KMT2C: variants seen among roughly 807,000 people sequenced by gnomAD.
KMT2C encodes histone-lysine N-methyltransferase 2C.
Under a neutral mutation model 507.9 loss-of-function variants are expected in KMT2C, and 88 were observed. The ratio of observed to expected loss-of-function variants is 0.17; its 90% confidence interval spans 0.15 to 0.21. KMT2C has a LOEUF of 0.21. Ranked by LOEUF, KMT2C falls within the 10% of genes least tolerant of loss-of-function variation. The probability of loss-of-function intolerance (pLI) is 1.00; values close to 1 mark genes in which losing one functional copy is unlikely to be tolerated. For synonymous variants in KMT2C, 2,049 were observed against 2,080.8 expected (o/e 0.98, Z 0.42); for missense variants, 4,954 against 5,957.8 (o/e 0.83, Z 5.55).
Position 152,153,000 on chromosome 7 carries a change from G to A in KMT2C, c.12277-46C>T, listed in dbSNP as rs181304474. ...TGTATTATTCACCCAGAAGGCAACA[G>A]TGAACCACTGAAGAAAAATACACAC... On this transcript the variant is annotated intron_variant, in intron 48 of 58. Coordinates refer to ENST00000262189, the MANE Select transcript of KMT2C (RefSeq NM_170606.3). 34 of 1,600,214 alleles carry A rather than the reference G, an allele frequency of 2.1e-5. No homozygotes were observed. The Admixed American group carries it at 5.5e-4, about 26-fold the overall frequency.
chr7:152,324,911 T>A (rs1380335287), intron 3 of KMT2C, among the ~76,000 whole-genome samples: 2 of 152,084 alleles, frequency 1.3e-5, no homozygotes, highest in African/African-American at 4.8e-5. Flanking sequence ...CATAATCAAG[T>A]AATGTTTATT....
Position 152,177,187 on chromosome 7 carries a change from T to C in KMT2C, c.8266A>G (p.Ile2756Val). Residue 2756 changes from isoleucine to valine, a missense_variant, in exon 38 of 59, where the codon ATC becomes GTC. Ile to Val is a conservative substitution (Grantham distance 29, BLOSUM62 3). Around this residue, in one of 29 missense-constraint regions of KMT2C, gnomAD observed 1,689 missense variants for 1,654.3 expected, o/e 1.02. Coordinates refer to ENST00000262189, the MANE Select transcript of KMT2C (RefSeq NM_170606.3). ...DDLLRSGEFD[I>V]IAYTDPELDM... ...AGTTCTGGATCTGTATATGCAATGA[T>C]ATCAAACTCTCCTGACCTTAAGAGG... 1 of 1,614,044 alleles carries C rather than the reference T, an allele frequency of 6.2e-7. No individual in the cohort carries two copies. The highest frequency in any genetic ancestry group is 8.5e-7 in the Non-Finnish European group (1 of 1,180,016).
rs1378835003 is a variant in KMT2C at position 152,412,417 on chromosome 7, AAT to A, written c.161+23207_161+23208del. Among the ~76,000 whole-genome samples, 6 of 150,632 alleles carry A rather than the reference AAT, an allele frequency of 4.0e-5. No individual in the cohort carries two copies. The East Asian group carries it at 9.8e-4, about 24-fold the overall frequency. On this transcript the variant is annotated intron_variant, in intron 1 of 58. Transcript: ENST00000262189. Reference sequence around the variant, plus strand: ...CTCCCTCTCAAAAAAAAATTTTTTTAATGTTGCAACCAATTTTTCTTCCTCAT... The same window carrying A: ...CTCCCTCTCAAAAAAAAATTTTTTTAGTTGCAACCAATTTTTCTTCCTCAT...
chr7:152,228,653 G>C (rs2095011449), intron 18 of KMT2C, among the ~76,000 whole-genome samples: 1 of 152,100 alleles, frequency 6.6e-6, no homozygotes, highest in Non-Finnish European at 1.5e-5. Flanking sequence ...ATTGTTGGAT[G>C]GGTTAAAAGA....
At position 152,427,788 on chromosome 7, in the gene KMT2C, G is replaced by A. The variant is rs117711380; in HGVS notation, c.161+7838C>T. On this transcript the variant is annotated intron_variant, in intron 1 of 58. Coordinates refer to ENST00000262189, the MANE Select transcript of KMT2C (RefSeq NM_170606.3). ...ACATCTTTAAATACTTATCCTAATC[G>A]ATTCCTCAACTCCAGTCCTACTTCC... 1.1e-4 allele frequency among the ~76,000 whole-genome samples: 16 copies of A among 152,026 alleles called. No individual in the cohort carries two copies. The South Asian group carries it at 1.9e-3, about 18-fold the overall frequency.
intron 9 of KMT2C, among the ~76,000 whole-genome samples, chr7:152,255,295 T>C (rs1391446417): frequency 1.3e-5 from 2 of 151,006 alleles, no homozygotes; most frequent in African/African-American, 4.9e-5. Flanking sequence ...GCCTTCTGAG[T>C]AACTGGGACT....
chr7:152,320,200 C>G (rs1345993285), intron 3 of KMT2C, among the ~76,000 whole-genome samples: 1 of 151,976 alleles, frequency 6.6e-6, no homozygotes, highest in Non-Finnish European at 1.5e-5. Context: ...GCAAATATTC[C>G]AAAATCCAAA....
intron 34 of KMT2C, among the ~76,000 whole-genome samples, chr7:152,184,124 T>TA (rs137962743): frequency 0.15 from 19,945 of 136,634 alleles, 1,432 homozygotes; most frequent in South Asian, 0.21. Flanking sequence ...CAATCAGTCT[T>TA]AAAAAAAAAA....
At chr7:152,211,645 A>G (rs1236284813) in intron 23 of KMT2C, among the ~76,000 whole-genome samples, 1 of 152,262 alleles carries the variant, frequency 6.6e-6, no homozygotes, top group African/African-American at 2.4e-5. Flanking sequence ...CAAATGGCAT[A>G]AAGTAGCACA....
At chr7:152,307,140 A>G (rs187823658) in intron 6 of KMT2C, among the ~76,000 whole-genome samples, 1 of 150,986 alleles carries the variant, frequency 6.6e-6, no homozygotes, top group African/African-American at 2.4e-5. Flanking sequence ...CCTGGACAAC[A>G]GGGTGAGACC....
chr7:152,162,072 T>C (rs1311691879), intron 43 of KMT2C, 45 bp downstream of exon 43: 13 of 1,496,134 alleles, frequency 8.7e-6, no homozygotes, highest in Non-Finnish European at 1.1e-5. Context: ...TAAGTATAAT[T>C]TAAAACAAAA....
rs376309362 is a variant in KMT2C, at chr7:152,358,681, GAA to G, written c.162-8_162-7del. On this transcript the variant is annotated splice_region_variant and splice_polypyrimidine_tract_variant and intron_variant, in intron 1 of 58. Coordinates refer to ENST00000262189, the MANE Select transcript of KMT2C (RefSeq NM_170606.3). ...TTTTCCCCCTACTTCGAGGTCTACA[GAA>G]AAAAAAAAAAATAATAAGTACATAG... is the stretch of plus-strand genomic sequence containing the variant. 2.6e-4 allele frequency: 321 copies of G among 1,245,930 alleles called. No individual in the cohort carries two copies. The highest frequency in any genetic ancestry group is 4.0e-4 in the South Asian group (28 of 69,664). 77.2% of individuals were successfully genotyped at this position (1,245,930 alleles called of 1,614,324 possible).
At chr7:152,360,531 A>G (rs1468680535) in intron 1 of KMT2C, among the ~76,000 whole-genome samples, 3 of 151,540 alleles carry the variant, frequency 2.0e-5, no homozygotes, top group East Asian at 2.0e-4. Context: ...ACATAATAAT[A>G]TATTAAAAAT....
chr7:152,178,041 A>AAAAAAAGC, intron 37 of KMT2C, 31 bp from the exon 38 acceptor site: 1 of 1,276,138 alleles, frequency 7.8e-7, no homozygotes. Context: ...AAAAAAAAAA[A>AAAAAAAGC]AGCAAATAGG....
chr7:152,204,222 C>G (rs1256014879), intron 25 of KMT2C, among the ~76,000 whole-genome samples: 1 of 152,030 alleles, frequency 6.6e-6, no homozygotes, highest in African/African-American at 2.4e-5. Flanking sequence ...TGCTTGGACT[C>G]GGGAGGTGAA....
Position 152,163,603 on chromosome 7 carries a change from C to A in KMT2C, c.9974G>T (p.Ser3325Ile), listed in dbSNP as rs202148187. 1.6e-4 allele frequency: 262 copies of A among 1,605,826 alleles called. 1 individual carries two copies. Among genetic ancestry groups the A allele is most frequent in the Admixed American group, 6.7e-5 (4 of 59,618 alleles). ...QHTTVISGHT[S>I]PVRMPSLPGW... The stretch of plus-strand genomic sequence containing the variant: ...AGGTAAACTGGGCATTCTAACAGGG[C>A]TAGTATGGCCAGAAATAACTGTTGT... The change falls in exon 43 of 59, where the codon AGC (serine) becomes ATC (isoleucine). Residue 3325 changes from serine to isoleucine, a missense_variant. This residue lies in a region of KMT2C where 801 missense variants were observed against 751.2 expected (regional missense o/e 1.07). Coordinates refer to ENST00000262189, the MANE Select transcript of KMT2C (RefSeq NM_170606.3).
chr7:152,338,592 T>TA (rs1208796152), intron 2 of KMT2C, among the ~76,000 whole-genome samples: 2 of 152,112 alleles, frequency 1.3e-5, no homozygotes, highest in East Asian at 1.9e-4. Context: ...TTTTCTCTTT[T>TA]AAAAAAAGAA....
chr7:152,149,056 A>G lies in KMT2C; in HGVS notation c.12871T>C (p.Cys4291Arg). 6.5e-7 allele frequency: 1 copy of G among 1,528,656 alleles called. No individual in the cohort carries two copies. The allele number at this position is 1,528,656 out of a possible 1,614,324, so 94.7% of individuals were successfully genotyped here. A position where few individuals can be genotyped will look rare whatever the true frequency, so the allele number is the denominator to read the frequency against. Residue 4291 changes from cysteine to arginine, a missense_variant, in exon 52 of 59, where the codon TGT becomes CGT. Physicochemically the swap from Cys to Arg is radical, Grantham distance 180. Coordinates refer to ENST00000262189, the MANE Select transcript of KMT2C (RefSeq NM_170606.3). ...SNNISTLDVH[C>R]LPQLPEKASP... ...GCTTTCTCTGGGAGCTGGGGGAGAC[A>G]GTGCACATCCAAAGTGGAGATGTTG...
chr7:152,389,570 T>C (rs1316189177), intron 1 of KMT2C, among the ~76,000 whole-genome samples: 1 of 152,076 alleles, frequency 6.6e-6, no homozygotes, highest in African/African-American at 2.4e-5. Flanking sequence ...TCCTCCCAAG[T>C]AGCTGGGACT....
Sources: allele counts gnomAD v4.1 joint callset (sites outside exome capture counted in the v4.1 genomes callset), GRCh38; gene constraint gnomAD v4.1.1; regional missense constraint gnomAD v4.1.1; transcripts MANE v1.5; gene names NCBI Gene and HGNC (gene_info 2026-07-23, HGNC 2026-07-21).